The following NF1 variants were observed in gnomAD, a reference collection of about 807,000 sequenced individuals.
NF1 encodes the protein neurofibromin.
Under a neutral mutation model 325.7 loss-of-function variants are expected in NF1, and 122 were observed. That is an observed-to-expected ratio of 0.37 (90% CI 0.32 to 0.44). NF1 has a LOEUF of 0.44. Ranked by LOEUF, NF1 falls within the 20% of genes least tolerant of loss-of-function variation. The pLI is 1.00. For synonymous variants in NF1, 1,091 were observed against 1,186.0 expected, an observed-to-expected ratio of 0.92 and a Z score of 1.65; for missense variants, 2,140 against 3,415.4, an observed-to-expected ratio of 0.63 and a Z score of 9.31.
Position 31,260,408 on chromosome 17 carries a change from T to C in NF1, c.4470T>C (p.Asp1490=), listed in dbSNP as rs745678532. ...TAGCATCTGATTGTCCTACAAGTGA[T>C]GCAGTAAATCATAGTCTTTCCTTCA... The part of the protein sequence containing the change: ...LDIASDCPTS[D]AVNHSLSFIS... The change falls in exon 34 of 58, where the codon GAT becomes GAC. Residue 1490 remains aspartate (D), a synonymous_variant. Transcript: ENST00000358273. 1 of 1,613,956 alleles carries C rather than the reference T, an allele frequency of 6.2e-7. No homozygotes were observed. The highest frequency in any genetic ancestry group is 8.5e-7 in the Non-Finnish European group (1 of 1,179,984).
chr17:31,101,118 C>G (rs1047220744), intron 1 of NF1, among the ~76,000 whole-genome samples: 2 of 152,008 alleles, frequency 1.3e-5, no homozygotes, highest in Non-Finnish European at 2.9e-5. Context: ...GTTTATCCAC[C>G]CATTTCCTTT....
At chr17:31,144,297 G>C (rs1662827761) in intron 1 of NF1, among the ~76,000 whole-genome samples, 1 of 152,066 alleles carries the variant, frequency 6.6e-6, no homozygotes, top group South Asian at 2.1e-4. Context: ...CCTCTCTTGA[G>C]TAAGACTGTT....
chr17:31,363,436 CTT>C (rs5819928), intron 57 of NF1, among the ~76,000 whole-genome samples: 205 of 112,418 alleles, frequency 1.8e-3, no homozygotes, highest in East Asian at 4.9e-3. Flanking sequence ...TTATCTCTCT[CTT>C]TTTTTTTTTT....
intron 4 of NF1, among the ~76,000 whole-genome samples, chr17:31,166,166 C>G (rs2065841314): frequency 1.3e-5 from 2 of 152,100 alleles, no homozygotes. Flanking sequence ...TGATATACCA[C>G]CAGAAGCAGA....
intron 13 of NF1, among the ~76,000 whole-genome samples, chr17:31,215,395 A>G (rs1413418634): frequency 1.3e-5 from 2 of 152,230 alleles, no homozygotes; most frequent in Non-Finnish European, 2.9e-5. Context: ...AAAATGAGTC[A>G]TAATGAAGTG....
intron 11 of NF1, among the ~76,000 whole-genome samples, chr17:31,203,110 C>G (rs1194770458): frequency 1.3e-5 from 2 of 152,152 alleles, no homozygotes; most frequent in Non-Finnish European, 2.9e-5. Context: ...AGAGCACTTT[C>G]AAGCATGGAC....
At chr17:31,226,871 A>G (rs187088826) in intron 18 of NF1, among the ~76,000 whole-genome samples, 187 bp downstream of exon 18, 6 of 152,334 alleles carry the variant, frequency 3.9e-5, no homozygotes, top group Admixed American at 3.9e-4. Flanking sequence ...TTAGTCTTCC[A>G]CTGAGTTGTT....
intron 14 of NF1, 55 bp downstream of exon 14, chr17:31,219,173 T>A: frequency 6.4e-7 from 1 of 1,553,390 alleles, no homozygotes; most frequent in Non-Finnish European, 8.8e-7. Context: ...CTATGTACAT[T>A]CATGATGTTC....
At position 31,359,232 on chromosome 17, in the gene NF1, A is replaced by G; in HGVS notation, c.8160+217A>G. On this transcript the variant is annotated intron_variant, in intron 56 of 57. Coordinates refer to ENST00000358273, the MANE Select transcript of NF1 (RefSeq NM_001042492.3). ...GTATTCACTTTTACAAACAAAGTCA[A>G]CTTATGATCAATTTTTCAGAAGAGT... The G allele has an allele frequency of 5.6e-6, 3 of 535,068 alleles. No individual in the cohort carries two copies. The South Asian group carries it at 6.4e-5, about 11-fold the overall frequency. The allele number at this position is 535,068 out of a possible 1,614,324, so 33.1% of individuals were successfully genotyped here.
In NF1 at chr17:31,293,668, C is replaced by T. The variant is rs16972165; in HGVS notation, c.4835+28329C>T. Among the ~76,000 whole-genome samples the T allele has an allele frequency of 8.5e-3, 1,290 of 152,252 alleles. 26 individuals carry two copies. The highest frequency in any genetic ancestry group is 0.03 in the African/African-American group (1,230 of 41,554). Reference sequence around the variant, plus strand: ...CTATCTGAATTTTTAAAAGTTTTTACGAAGGAACATAAAAATTCCTTTCTC... The same window carrying T: ...CTATCTGAATTTTTAAAAGTTTTTATGAAGGAACATAAAAATTCCTTTCTC... On this transcript the variant is annotated intron_variant, in intron 36 of 57. Transcript: ENST00000358273.
At chr17:31,250,000 T>TA (rs1482117604) in intron 30 of NF1, 1 of 495,854 alleles carries the variant, frequency 2.0e-6, no homozygotes, top group Admixed American at 2.3e-5. Context: ...TTCAGTTGCT[T>TA]AGAGACGTTA....
intron 57 of NF1, among the ~76,000 whole-genome samples, chr17:31,368,610 C>T (rs2070576514): frequency 6.6e-6 from 1 of 152,182 alleles, no homozygotes; most frequent in Non-Finnish European, 1.5e-5. Flanking sequence ...ACTCATTTTA[C>T]AAATTCTAGC....
intron 11 of NF1, among the ~76,000 whole-genome samples, chr17:31,203,986 G>T (rs2066576512): frequency 6.6e-6 from 1 of 151,928 alleles, no homozygotes; most frequent in Admixed American, 6.6e-5. Flanking sequence ...TTATTATAAT[G>T]CAGGTTCCTA....
intron 36 of NF1, chr17:31,320,417 A>C (rs768583648): frequency 2.5e-6 from 4 of 1,611,218 alleles, no homozygotes; most frequent in Non-Finnish European, 3.4e-6. Context: ...TTCCAAACCA[A>C]CTCCTAAGCA....
At chr17:31,200,789 T>C (rs2066513642) in intron 9 of NF1, among the ~76,000 whole-genome samples, 194 bp downstream of exon 9, 1 of 152,232 alleles carries the variant, frequency 6.6e-6, no homozygotes, top group African/African-American at 2.4e-5. Context: ...CACCATTTTC[T>C]TAAATAAGCA....
chr17:31,233,288 A>G, intron 27 of NF1, 75 bp downstream of exon 27: 1 of 1,339,046 alleles, frequency 7.5e-7, no homozygotes. Flanking sequence ...TTGTTCAATA[A>G]ATGTTTGTTG....
intron 1 of NF1, among the ~76,000 whole-genome samples, chr17:31,111,260 A>G (rs1276264529): frequency 6.6e-6 from 1 of 152,114 alleles, no homozygotes; most frequent in East Asian, 1.9e-4. Context: ...CCTCTGAGAC[A>G]TGTGGAACAT....
At chr17:31,153,854 T>G (rs921886936) in intron 1 of NF1, among the ~76,000 whole-genome samples, 1 of 151,824 alleles carries the variant, frequency 6.6e-6, no homozygotes, top group East Asian at 1.9e-4. Flanking sequence ...ACTCAAGCAG[T>G]CCTCCTGCCT....
At position 31,306,341 on chromosome 17, in the gene NF1, C is replaced by A. The variant is rs538063238; in HGVS notation, c.4836-19479C>A. On this transcript the variant is annotated intron_variant, in intron 36 of 57. Coordinates refer to ENST00000358273, the MANE Select transcript of NF1 (RefSeq NM_001042492.3). ...AACCTGTACCTCCAGCCTACATCTT[C>A]TTTGTCCTAATTCTATTTGTGTGAC... Among the ~76,000 whole-genome samples, 7 of 152,074 alleles carry A rather than the reference C, an allele frequency of 4.6e-5. No homozygotes were observed. In the South Asian group the frequency reaches 1.5e-3, roughly 32 times the overall value.
Sources: allele counts gnomAD v4.1 joint callset (sites outside exome capture counted in the v4.1 genomes callset), GRCh38; gene constraint gnomAD v4.1.1; transcripts MANE v1.5; gene names NCBI Gene and HGNC (gene_info 2026-07-23, HGNC 2026-07-21).